Variants in SSPN observed in about 807,000 individuals in gnomAD.
The protein encoded by SSPN is K-ras oncogene-associated protein.
Under a neutral mutation model 19.1 loss-of-function variants are expected in SSPN, and 15 were observed. The ratio of observed to expected loss-of-function variants is 0.78; its 90% CI spans 0.52 to 1.21. The LOEUF is 1.21. Ranked by LOEUF, SSPN falls within the 50% of genes most tolerant of loss-of-function variation. The pLI, the probability that SSPN is intolerant of heterozygous loss-of-function variation, is 0.00. For synonymous variants in SSPN, 147 were observed against 140.3 expected (o/e 1.05, Z -0.34); for missense variants, 291 against 314.0 (o/e 0.93, Z 0.55).
intron 1 of SSPN, among the ~76,000 whole-genome samples, chr12:26,158,250 C>T (rs1318701902): frequency 6.6e-6 from 1 of 151,540 alleles, no homozygotes; most frequent in Non-Finnish European, 1.5e-5. Context: ...TTCTTTTCCT[C>T]CCTCCCATCC....
At chr12:26,200,615 G>GTT (rs1019756301) in intron 1 of SSPN, among the ~76,000 whole-genome samples, 2 of 152,154 alleles carry the variant, frequency 1.3e-5, no homozygotes, top group Non-Finnish European at 2.9e-5. Context: ...AGAGAGAAAG[G>GTT]TTTGGCATTA....
chr12:26,229,610 C>T (rs1356902678), intron 2 of SSPN, among the ~76,000 whole-genome samples: 1 of 152,132 alleles, frequency 6.6e-6, no homozygotes, highest in African/African-American at 2.4e-5. Context: ...TTCCTCTGAA[C>T]CTGGAAATGA....
At chr12:26,132,232 A>G (rs760000867) in intron 1 of SSPN, among the ~76,000 whole-genome samples, 4 of 152,222 alleles carry the variant, frequency 2.6e-5, no homozygotes, top group Non-Finnish European at 4.4e-5. Flanking sequence ...TGTGTCTAGC[A>G]TCTTGGGATC....
At chr12:26,124,252 TGCCCCCCCC>T (rs1944341988) in intron 1 of SSPN, 6 of 879,436 alleles carry the variant, frequency 6.8e-6, no homozygotes, top group South Asian at 2.8e-5. Flanking sequence ...TACCCTCGTC[TGCCCCCCCC>T]GCCCCCCCAC....
At chr12:26,202,262 C>T (rs1268131931) in intron 1 of SSPN, among the ~76,000 whole-genome samples, 1 of 152,064 alleles carries the variant, frequency 6.6e-6, no homozygotes, top group Admixed American at 6.5e-5. Context: ...GGATATGGAA[C>T]CCATTGATAC....
At chr12:26,206,891 A>T (rs1192495515) in intron 1 of SSPN, among the ~76,000 whole-genome samples, 1 of 152,226 alleles carries the variant, frequency 6.6e-6, no homozygotes, top group Non-Finnish European at 1.5e-5. Context: ...AGTTAGGAGT[A>T]GAAGCCACAC....
At chr12:26,206,404 A>T (rs1418213223) in intron 1 of SSPN, among the ~76,000 whole-genome samples, 1 of 152,212 alleles carries the variant, frequency 6.6e-6, no homozygotes, top group Non-Finnish European at 1.5e-5. Context: ...TTACAATCCC[A>T]TTCCAATGTT....
chr12:26,233,772 T>C lies in SSPN; in HGVS notation c.*2696T>C, dbSNP rs1233290967. On this transcript the variant is annotated 3_prime_UTR_variant, in exon 3 of 3. Transcript: ENST00000242729. This position sits in a 1 kb window ranked among gnomAD's most constrained non-coding sequence, Gnocchi z 4.3. ...TCCTCTTCCACCTCCTTCAGGAGAA[T>C]TAAATGAATCAAGACTTTGGAAAGA... The C allele has an allele frequency of 6.6e-6, 1 of 152,188 alleles. No homozygotes were observed. Among genetic ancestry groups the C allele is most frequent in the East Asian group, 1.9e-4 (1 of 5,192 alleles). 9.4% of individuals were successfully genotyped at this position (152,188 alleles called of 1,614,324 possible).
chr12:26,211,564 A>T (rs1229965867), intron 1 of SSPN: 1 of 152,230 alleles, frequency 6.6e-6, no homozygotes, highest in African/African-American at 2.4e-5. Context: ...CATCAAAGAA[A>T]GCACACTATA....
rs187414347 is a variant in SSPN at position 26,125,013 on chromosome 12, T to C, written c.-31+2861T>C. The stretch of plus-strand genomic sequence containing the variant: ...GCGCCGGCCCCACTGCGCTGGTAGT[T>C]TGCTCTCACTCCAGGCAGTGTTTGG... On this transcript the variant is annotated intron_variant, in intron 1 of 2. Coordinates refer to the SSPN transcript ENST00000538142. 1.5e-3 allele frequency: 904 copies of C among 615,052 alleles called. 5 individuals carry two copies. The highest frequency in any genetic ancestry group is 7.8e-3 in the Middle Eastern group (18 of 2,304). 38.1% of individuals were successfully genotyped at this position (615,052 alleles called of 1,614,324 possible).
rs538519595 is a variant in SSPN at position 26,124,213 on chromosome 12, A to G, written c.-31+2061A>G. On this transcript the variant is annotated intron_variant, in intron 1 of 2. Transcript: ENST00000538142. ...ATGAGAGTCATGGAAAAGAGAAAAC[A>G]GTAAGCGAAACATTCACTTATTGGA... is the stretch of plus-strand genomic sequence containing the variant. 2.9e-6 allele frequency: 4 copies of G among 1,399,622 alleles called. No individual in the cohort carries two copies. In the African/African-American group the frequency reaches 5.6e-5, roughly 20 times the overall value. 86.7% of individuals were successfully genotyped at this position (1,399,622 alleles called of 1,614,324 possible).
In SSPN at chr12:26,231,379, A is replaced by G. The variant is rs978874655; in HGVS notation, c.*303A>G. ...TACAGTCTGGAGTTAATTCCTGTTA[A>G]CTCATTTTATCCATTCCTTACATAA... On this transcript the variant is annotated 3_prime_UTR_variant, in exon 3 of 3. Coordinates refer to ENST00000242729, the MANE Select transcript of SSPN (RefSeq NM_005086.5). The G allele has an allele frequency of 3.9e-6, 1 of 253,594 alleles. No homozygotes were observed. The highest frequency in any genetic ancestry group is 2.3e-5 in the African/African-American group (1 of 43,782). The allele number at this position is 253,594 out of a possible 1,614,324, so 15.7% of individuals were successfully genotyped here. A position where few individuals can be genotyped will look rare whatever the true frequency, so the allele number is the denominator to read the frequency against.
chr12:26,187,872 G>A (rs539746501), intron 1 of SSPN, among the ~76,000 whole-genome samples: 2 of 152,328 alleles, frequency 1.3e-5, no homozygotes, highest in South Asian at 4.1e-4. Flanking sequence ...GAGAAGAACA[G>A]GGAGGATGAT....
At chr12:26,122,317 C>T in intron 1 of SSPN, 7 of 1,169,136 alleles carry the variant, frequency 6.0e-6, no homozygotes, top group Non-Finnish European at 6.3e-6. Context: ...GCGGCGGCTG[C>T]CGCGGCTGCC....
upstream of SSPN, among the ~76,000 whole-genome samples, chr12:26,193,649 TTGTC>T (rs1944802535): frequency 6.6e-6 from 1 of 152,202 alleles, no homozygotes; most frequent in Non-Finnish European, 1.5e-5. Flanking sequence ...CAGTTTTTAT[TTGTC>T]TGTTCACAAT....
At chr12:26,127,779 TG>T (rs1490318466) in intron 1 of SSPN, among the ~76,000 whole-genome samples, 2 of 152,228 alleles carry the variant, frequency 1.3e-5, no homozygotes, top group Admixed American at 6.5e-5. Context: ...TGACTCTTCT[TG>T]GTTACCCACT....
Position 26,232,003 on chromosome 12 carries a change from C to T in SSPN, c.*927C>T, listed in dbSNP as rs994054245. ...TCTTTCTTCTGAAAGCCAAGCACCACAAGGAAAAAAAAAATTATTAATAGC... is the reference window on the plus strand; with the variant it reads ...TCTTTCTTCTGAAAGCCAAGCACCATAAGGAAAAAAAAAATTATTAATAGC... On this transcript the variant is annotated 3_prime_UTR_variant, in exon 3 of 3. Coordinates refer to ENST00000242729, the MANE Select transcript of SSPN (RefSeq NM_005086.5). The T allele has an allele frequency of 2.4e-6, 2 of 835,670 alleles. No homozygotes were observed. The highest frequency in any genetic ancestry group is 1.2e-4 in the African/African-American group (2 of 16,494). 51.8% of individuals were successfully genotyped at this position (835,670 alleles called of 1,614,324 possible). A position where few individuals can be genotyped will look rare whatever the true frequency, so the allele number is the denominator to read the frequency against.
upstream of SSPN, among the ~76,000 whole-genome samples, chr12:26,194,852 G>A (rs2137455141): frequency 6.6e-6 from 1 of 152,310 alleles, no homozygotes; most frequent in Admixed American, 6.5e-5. Context: ...TTAGCCAGAT[G>A]TGGTGGTGAT....
intron 1 of SSPN, among the ~76,000 whole-genome samples, chr12:26,128,116 T>C (rs1419395007): frequency 1.3e-5 from 2 of 152,248 alleles, no homozygotes; most frequent in African/African-American, 4.8e-5. Flanking sequence ...TTCGAGAGTC[T>C]GGACCCTGGA....
Sources: allele counts gnomAD v4.1 joint callset (sites outside exome capture counted in the v4.1 genomes callset), GRCh38; gene constraint gnomAD v4.1.1; non-coding constraint Gnocchi (gnomAD v3.1); transcripts MANE v1.5; gene names NCBI Gene and HGNC (gene_info 2026-07-23, HGNC 2026-07-21).